Variants in PLAA observed in about 807,000 individuals in gnomAD.
PLAA encodes the protein phospholipase A2 activating protein, also known as phospholipase A-2-activating protein.
PLAA carries 48 observed loss-of-function variants against 84.1 expected under a neutral mutation model. The ratio of observed to expected loss-of-function variants is 0.57; its 90% confidence interval spans 0.45 to 0.73. The LOEUF is 0.73. Among genes scored for constraint, PLAA ranks in the 30% least tolerant of loss-of-function variants. The probability of loss-of-function intolerance (pLI) is 0.00; values close to 1 mark genes in which losing one functional copy is unlikely to be tolerated. For missense variants in PLAA, 903 were observed against 954.7 expected, an observed-to-expected ratio of 0.95 and a Z score of 0.71; for synonymous variants, 392 against 336.6, an observed-to-expected ratio of 1.16 and a Z score of -1.80.
intron 2 of PLAA, among the ~76,000 whole-genome samples, chr9:26,930,330 T>C (rs1825140720): frequency 6.6e-6 from 1 of 152,082 alleles, no homozygotes; most frequent in South Asian, 2.1e-4. Context: ...GGTCTCGATC[T>C]CCTGACCTTA....
intron 11 of PLAA, among the ~76,000 whole-genome samples, chr9:26,913,029 C>G (rs1470249081): frequency 6.6e-6 from 1 of 152,036 alleles, no homozygotes; most frequent in Non-Finnish European, 1.5e-5. Context: ...TTGAGCCCAG[C>G]CCAGGCAACA....
In PLAA at chr9:26,928,395, T is replaced by G; in HGVS notation, c.357A>C (p.Ser119=). The change falls in exon 3 of 14, where the codon TCA becomes TCC. Residue 119 remains serine (S), a synonymous_variant. Transcript: ENST00000397292. ...TAAGTAATGTCCCAAATTTTCCAGA[T>G]GATAGACTACAAACTAAGGAAAAAA... The part of the protein sequence containing the change: ...KGHKNTVCSL[S]SGKFGTLLSG... 1 of 1,608,464 alleles carries G rather than the reference T, an allele frequency of 6.2e-7. No homozygotes were observed.
intron 10 of PLAA, among the ~76,000 whole-genome samples, chr9:26,914,301 A>G (rs1245172947): frequency 2.0e-5 from 3 of 152,204 alleles, no homozygotes; most frequent in African/African-American, 7.2e-5. Context: ...ATTGGAAAAG[A>G]CTCAGGTAAG....
intron 12 of PLAA, 51 bp from the exon 13 acceptor site, chr9:26,908,049 T>C (rs1407230260): frequency 5.7e-6 from 8 of 1,398,378 alleles, no homozygotes; most frequent in Admixed American, 2.3e-5. Flanking sequence ...ATTGGCCAGA[T>C]AATATATAAA....
chr9:26,910,453 A>T lies in PLAA; in HGVS notation c.1556-14T>A, dbSNP rs1484489457. On this transcript the variant is annotated splice_polypyrimidine_tract_variant and intron_variant, in intron 11 of 13. Transcript: ENST00000397292. ...AGGCACTATTCCCTATTTAAAGAAT[A>T]GAAGATGATGATAATCACAAGGAGT... is the stretch of plus-strand genomic sequence containing the variant. 21 of 1,574,522 alleles carry T rather than the reference A, an allele frequency of 1.3e-5. No individual in the cohort carries two copies. Among genetic ancestry groups the T allele is most frequent in the Non-Finnish European group, 1.7e-5 (20 of 1,144,862 alleles).
chr9:26,905,314 C>T lies in PLAA; in HGVS notation c.*197G>A, dbSNP rs1324352674. The T allele has an allele frequency of 9.3e-6, 5 of 538,254 alleles. No homozygotes were observed. The Admixed American group carries it at 1.1e-4, about 11-fold the overall frequency. The allele number at this position is 538,254 out of a possible 1,614,324, so 33.3% of individuals were successfully genotyped here. A position where few individuals can be genotyped will look rare whatever the true frequency, so the allele number is the denominator to read the frequency against. On this transcript the variant is annotated 3_prime_UTR_variant, in exon 14 of 14. Transcript: ENST00000397292. ...TTGTGTTCACACTCTTGAAAATCTA[C>T]CCAAATTACACAGGAAAATCTCACA...
chr9:26,933,160 CAGA>C (rs1825239794), intron 2 of PLAA, among the ~76,000 whole-genome samples: 1 of 151,940 alleles, frequency 6.6e-6, no homozygotes, highest in Admixed American at 6.6e-5. Flanking sequence ...CCCAGATACT[CAGA>C]AGGCTGAGGC....
At chr9:26,925,466 T>C (rs957587003) in intron 6 of PLAA, among the ~76,000 whole-genome samples, 2 of 152,256 alleles carry the variant, frequency 1.3e-5, no homozygotes, top group Middle Eastern at 3.2e-3. Context: ...AATTTGCGTA[T>C]CTTTTCTCAC....
At chr9:26,927,143 T>C (rs1296354080) in intron 4 of PLAA, among the ~76,000 whole-genome samples, 1 of 151,612 alleles carries the variant, frequency 6.6e-6, no homozygotes, top group African/African-American at 2.4e-5. Context: ...TTTTTTGAGA[T>C]GGAGTCTCAC....
chr9:26,914,039 T>C, intron 10 of PLAA, 92 bp from the exon 11 acceptor site: 2 of 861,150 alleles, frequency 2.3e-6, no homozygotes, highest in East Asian at 4.9e-5. Context: ...TTAAGCACAC[T>C]TCACAATGGC....
intron 7 of PLAA, among the ~76,000 whole-genome samples, chr9:26,922,925 G>C (rs1482369992): frequency 6.6e-6 from 1 of 152,104 alleles, no homozygotes; most frequent in Non-Finnish European, 1.5e-5. Context: ...CCTTTTGAGT[G>C]TCTACTGTAA....
intron 6 of PLAA, among the ~76,000 whole-genome samples, chr9:26,925,495 C>G (rs1377393483): frequency 1.3e-5 from 2 of 152,180 alleles, no homozygotes; most frequent in East Asian, 3.9e-4. Flanking sequence ...TTTCAAAATC[C>G]AGTTCAAATT....
intron 1 of PLAA, among the ~76,000 whole-genome samples, chr9:26,946,118 T>G (rs750325007): frequency 4.6e-5 from 7 of 152,226 alleles, no homozygotes; most frequent in Non-Finnish European, 8.8e-5. Context: ...TCTCTAGCAG[T>G]GGGAGACCTA....
At chr9:26,920,641 G>A (rs1481385798) in intron 7 of PLAA, among the ~76,000 whole-genome samples, 1 of 152,090 alleles carries the variant, frequency 6.6e-6, no homozygotes, top group Non-Finnish European at 1.5e-5. Flanking sequence ...AATAAAACAA[G>A]TTTTATTAGT....
intron 2 of PLAA, among the ~76,000 whole-genome samples, chr9:26,930,205 C>T (rs531022968): frequency 2.1e-4 from 32 of 151,486 alleles, no homozygotes; most frequent in African/African-American, 7.0e-4. Context: ...CCCGGGTTCA[C>T]GCCATTCTCC....
intron 1 of PLAA, among the ~76,000 whole-genome samples, chr9:26,941,386 C>G (rs1269468551): frequency 6.6e-6 from 1 of 152,210 alleles, no homozygotes. Flanking sequence ...AAACCATACC[C>G]TCATCCTCTA....
At position 26,903,611 on chromosome 9, in the gene PLAA, G is replaced by GA. The variant is rs1382193870; in HGVS notation, c.*1899dup. On this transcript the variant is annotated 3_prime_UTR_variant, in exon 14 of 14. Coordinates refer to ENST00000397292, the MANE Select transcript of PLAA (RefSeq NM_001031689.3). ...TAAATATTTATTACTTTTGTATTCA[G>GA]AAAAAACATTAAGAGAATCATAGGA... is the stretch of plus-strand genomic sequence containing the variant. Among the ~76,000 whole-genome samples, 2 of 152,012 alleles carry GA rather than the reference G, an allele frequency of 1.3e-5. No individual in the cohort carries two copies. Among genetic ancestry groups the GA allele is most frequent in the African/African-American group, 4.8e-5 (2 of 41,422 alleles).
chr9:26,931,101 A>T (rs946163886), intron 2 of PLAA, among the ~76,000 whole-genome samples: 1 of 151,892 alleles, frequency 6.6e-6, no homozygotes, highest in Non-Finnish European at 1.5e-5. Flanking sequence ...TAAAAAGGTG[A>T]CAGGAGCCAA....
At chr9:26,922,706 A>AC (rs903312339) in intron 7 of PLAA, among the ~76,000 whole-genome samples, 1 of 150,552 alleles carries the variant, frequency 6.6e-6, no homozygotes, top group Non-Finnish European at 1.5e-5. Context: ...ACACTCTGTC[A>AC]CCCAGGCTGG....
Sources: gnomAD v4.1 joint callset for allele counts (sites outside exome capture counted in the v4.1 genomes callset) on GRCh38, gnomAD v4.1.1 for gene constraint, MANE v1.5 for transcripts, NCBI Gene and HGNC (gene_info 2026-07-23, HGNC 2026-07-21) for gene names.